Variants in PLA2G4A observed in about 807,000 individuals in gnomAD.
PLA2G4A encodes cytosolic phospholipase A2.
PLA2G4A carries 40 observed loss-of-function variants against 81.9 expected under a neutral mutation model. The ratio of observed to expected loss-of-function variants is 0.49; its 90% confidence interval spans 0.38 to 0.64. The LOEUF (loss-of-function observed/expected upper bound fraction) is 0.64, where lower values mean the gene tolerates loss of function less well. Ranked by LOEUF, PLA2G4A falls within the 30% of genes least tolerant of loss-of-function variation. PLA2G4A has a pLI of 0.00. For synonymous variants in PLA2G4A, 302 were observed against 296.9 expected (o/e 1.02, Z -0.18); for missense variants, 715 against 905.1 (o/e 0.79, Z 2.69).
At chr1:186,867,040 G>A (rs1179584572) in intron 2 of PLA2G4A, among the ~76,000 whole-genome samples, 3 of 151,942 alleles carry the variant, frequency 2.0e-5, no homozygotes, top group Non-Finnish European at 4.4e-5. Context: ...CATTGATCTG[G>A]TTTGTTTGTT....
At chr1:186,931,228 A>G (rs781564666) in intron 7 of PLA2G4A, among the ~76,000 whole-genome samples, 16 of 152,154 alleles carry the variant, frequency 1.1e-4, no homozygotes, top group Non-Finnish European at 1.6e-4. Flanking sequence ...CTATATAAAG[A>G]TACATAAAGA....
In PLA2G4A at chr1:186,830,378, C is replaced by A. The variant is rs972606216; in HGVS notation, c.-70+1343C>A. Among the ~76,000 whole-genome samples, 102 of 151,954 alleles carry A rather than the reference C, an allele frequency of 6.7e-4. 3 individuals carry two copies. The highest frequency in any genetic ancestry group is 2.2e-3 in the African/African-American group (92 of 41,472). On this transcript the variant is annotated intron_variant, in intron 1 of 17. Coordinates refer to ENST00000367466, the MANE Select transcript of PLA2G4A (RefSeq NM_024420.3). ...ATACCAGCACTTTGGGAGGCCGAGGCGGGTGGATCACTTGAGGGCAGGAGT... is the reference window on the plus strand; with the variant it reads ...ATACCAGCACTTTGGGAGGCCGAGGAGGGTGGATCACTTGAGGGCAGGAGT...
At chr1:186,891,252 C>T (rs1219753752) in intron 3 of PLA2G4A, among the ~76,000 whole-genome samples, 1 of 151,972 alleles carries the variant, frequency 6.6e-6, no homozygotes, top group Non-Finnish European at 1.5e-5. Flanking sequence ...GTAATCACAT[C>T]ATGGAGAATA....
chr1:186,939,860 A>T, intron 9 of PLA2G4A, 120 bp from the exon 10 acceptor site: 2 of 652,298 alleles, frequency 3.1e-6, no homozygotes, highest in South Asian at 1.7e-5. Context: ...TTCTAGAAGT[A>T]ATAAGACTTA....
At chr1:186,928,383 C>T (rs926076459) in intron 7 of PLA2G4A, among the ~76,000 whole-genome samples, 3 of 152,200 alleles carry the variant, frequency 2.0e-5, no homozygotes, top group Non-Finnish European at 4.4e-5. Context: ...ATTATCCTTA[C>T]TATTATAATG....
intron 14 of PLA2G4A, 29 bp downstream of exon 14, chr1:186,956,373 C>T: frequency 6.3e-7 from 1 of 1,593,742 alleles, no homozygotes. Flanking sequence ...TTAGTGGGAG[C>T]TAATGCAGGA....
intron 1 of PLA2G4A, among the ~76,000 whole-genome samples, chr1:186,846,821 GAT>G (rs1652193052): frequency 6.6e-6 from 1 of 151,394 alleles, no homozygotes; most frequent in Non-Finnish European, 1.5e-5. Context: ...TTCCTTCATT[GAT>G]ATTTTAACTA....
intron 16 of PLA2G4A, 90 bp downstream of exon 16, chr1:186,977,878 C>T: frequency 2.4e-6 from 2 of 850,042 alleles, no homozygotes; most frequent in Non-Finnish European, 4.1e-6. Context: ...CACTGCTGTA[C>T]CAGCTATTAC....
At chr1:186,833,108 T>C (rs1011022640) in intron 1 of PLA2G4A, among the ~76,000 whole-genome samples, 7 of 152,180 alleles carry the variant, frequency 4.6e-5, no homozygotes, top group African/African-American at 1.7e-4. Context: ...GCGTGATGAC[T>C]GTTCAAGTTT....
chr1:186,870,851 TTA>T, intron 3 of PLA2G4A: 2 of 660,564 alleles, frequency 3.0e-6, no homozygotes, highest in South Asian at 3.1e-5. Context: ...TCAAATGTGG[TTA>T]TGTTTGTCTG....
chr1:186,868,841 T>A (rs1240607620), intron 2 of PLA2G4A, among the ~76,000 whole-genome samples: 1 of 152,148 alleles, frequency 6.6e-6, no homozygotes, highest in Non-Finnish European at 1.5e-5. Flanking sequence ...TTTCTTCTGT[T>A]ATCCTTTCAA....
At chr1:186,831,018 CTTTT>C (rs1170613263) in intron 1 of PLA2G4A, among the ~76,000 whole-genome samples, 7 of 126,782 alleles carry the variant, frequency 5.5e-5, no homozygotes, top group South Asian at 2.5e-4. Flanking sequence ...TTCTTTCTTT[CTTTT>C]TCTTTCTTTC....
intron 10 of PLA2G4A, among the ~76,000 whole-genome samples, chr1:186,942,211 A>G (rs1656178671): frequency 6.6e-6 from 1 of 152,174 alleles, no homozygotes; most frequent in Non-Finnish European, 1.5e-5. Context: ...ACTTTATTAC[A>G]TAGAAAAGTA....
chr1:186,893,072 A>C lies in PLA2G4A; in HGVS notation c.177A>C (p.Arg59Ser). ...FISTTPDSRK[R>S]TRHFNNDINP... ...CTACAACCCCTGACAGCAGGAAGAG[A>C]ACAAGACATTTCAATAATGACATAA... is the stretch of plus-strand genomic sequence containing the variant. Residue 59 changes from arginine (R) to serine (S), a missense_variant, in exon 4 of 18, where the codon AGA becomes AGC. Arg to Ser is a moderately radical substitution (Grantham distance 110, BLOSUM62 -1). Transcript: ENST00000367466. 6.2e-7 allele frequency: 1 copy of C among 1,609,802 alleles called. No homozygotes were observed. The highest frequency in any genetic ancestry group is 8.5e-7 in the Non-Finnish European group (1 of 1,176,034).
At chr1:186,897,966 T>C (rs1345624253) in intron 5 of PLA2G4A, among the ~76,000 whole-genome samples, 2 of 152,140 alleles carry the variant, frequency 1.3e-5, no homozygotes, top group African/African-American at 4.8e-5. Flanking sequence ...CCTCTCCTTC[T>C]CTCCTTACTT....
rs377025910 is a variant in PLA2G4A, at chr1:186,840,813, T to C, written c.-70+11778T>C. ...ATGGCTTTCCATGCTGTGGAAAACT[T>C]GACTGACTCTGTCACTTAAAAAAGG... On this transcript the variant is annotated intron_variant, in intron 1 of 17. Transcript: ENST00000367466. Among the ~76,000 whole-genome samples the C allele has an allele frequency of 7.2e-5, 11 of 152,158 alleles. No individual in the cohort carries two copies. In the East Asian group the frequency reaches 2.1e-3, roughly 29 times the overall value.
chr1:186,835,528 A>G (rs1054792926), intron 1 of PLA2G4A, among the ~76,000 whole-genome samples: 2 of 152,204 alleles, frequency 1.3e-5, no homozygotes, highest in Admixed American at 6.5e-5. Flanking sequence ...TGCGTCTATC[A>G]TTATGATTTC....
At chr1:186,974,605 TAA>T (rs1571460651) in intron 15 of PLA2G4A, among the ~76,000 whole-genome samples, 1 of 152,350 alleles carries the variant, frequency 6.6e-6, no homozygotes, top group East Asian at 1.9e-4. Context: ...AAGTTTATCT[TAA>T]GTTAGTCTAT....
chr1:186,911,050 G>A (rs1029092574), intron 6 of PLA2G4A, among the ~76,000 whole-genome samples, 198 bp from the exon 7 acceptor site: 8 of 152,124 alleles, frequency 5.3e-5, no homozygotes, highest in Non-Finnish European at 4.4e-5. Flanking sequence ...CTTTTTCTCT[G>A]AAAACATGCT....
Sources: gnomAD v4.1 joint callset for allele counts (sites outside exome capture counted in the v4.1 genomes callset) on GRCh38, gnomAD v4.1.1 for gene constraint, MANE v1.5 for transcripts, NCBI Gene and HGNC (gene_info 2026-07-23, HGNC 2026-07-21) for gene names.